The following PRUNE2 variants were observed in gnomAD, a reference collection of about 807,000 sequenced individuals.
The protein encoded by PRUNE2 is protein prune homolog 2.
PRUNE2 carries 164 observed loss-of-function variants against 252.0 expected under a neutral mutation model. That is an observed-to-expected ratio of 0.65 (90% CI 0.57 to 0.74). PRUNE2 has a LOEUF of 0.74. Among genes scored for constraint, PRUNE2 ranks in the 30% least tolerant of loss-of-function variants. The pLI is 0.00. For missense variants in PRUNE2, 3,495 were observed against 3,711.0 expected (o/e 0.94, Z 1.51); for synonymous variants, 1,292 against 1,350.2 (o/e 0.96, Z 0.94).
chr9:76,809,921 T>C (rs917841329), intron 6 of PRUNE2, among the ~76,000 whole-genome samples: 2 of 152,226 alleles, frequency 1.3e-5, no homozygotes, highest in African/African-American at 4.8e-5. Context: ...ACACATCAAC[T>C]GGTCAGATTG....
In PRUNE2 at chr9:76,660,916, T is replaced by TA. The variant is rs559931785; in HGVS notation, c.8277-5415dup. Among the ~76,000 whole-genome samples the TA allele has an allele frequency of 4.4e-4, 67 of 151,774 alleles. 1 individual carries two copies. Among genetic ancestry groups the TA allele is most frequent in the African/African-American group, 1.4e-3 (58 of 41,356 alleles). ...AAACTCTCTGAAAGATGAGCTCATA[T>TA]AAAAAAACCCTATAAACTACACTTG... is the stretch of plus-strand genomic sequence containing the variant. On this transcript the variant is annotated intron_variant, in intron 9 of 18. Coordinates refer to ENST00000376718, the MANE Select transcript of PRUNE2 (RefSeq NM_015225.3).
At chr9:76,680,905 C>T (rs2043353710) in intron 9 of PRUNE2, among the ~76,000 whole-genome samples, 1 of 152,194 alleles carries the variant, frequency 6.6e-6, no homozygotes, top group African/African-American at 2.4e-5. Flanking sequence ...CACTCATTAT[C>T]ATGAGAACAG....
rs139627304 is a variant in PRUNE2 at position 76,684,598 on chromosome 9, G to A, written c.8276+18739C>T. ...TTCTGGACTTCCTTAGATATCCAGC[G>A]TAAAGCTGATGGACTTCTTCAGGTC... On this transcript the variant is annotated intron_variant, in intron 9 of 18. Coordinates refer to ENST00000376718, the MANE Select transcript of PRUNE2 (RefSeq NM_015225.3). Among the ~76,000 whole-genome samples the A allele has an allele frequency of 7.9e-4, 121 of 152,280 alleles. No individual in the cohort carries two copies. The East Asian group carries it at 8.9e-3, about 11-fold the overall frequency.
In PRUNE2 at chr9:76,798,391, C is replaced by T. The variant is rs551932820; in HGVS notation, c.756+25241G>A. On this transcript the variant is annotated intron_variant, in intron 6 of 18. Transcript: ENST00000376718. ...AATAAGTGAAATCATACTGTATTTG[C>T]CTTTCTGTATCTGGCTTACTTCACT... is the stretch of plus-strand genomic sequence containing the variant. 3.3e-5 allele frequency among the ~76,000 whole-genome samples: 5 copies of T among 152,212 alleles called. No individual in the cohort carries two copies. The East Asian group carries it at 9.6e-4, about 29-fold the overall frequency.
chr9:76,836,429 A>G (rs1212461140), intron 4 of PRUNE2, among the ~76,000 whole-genome samples: 1 of 151,070 alleles, frequency 6.6e-6, no homozygotes, highest in Non-Finnish European at 1.5e-5. Flanking sequence ...AGAGAAGAGA[A>G]AGAAAGCAAA....
intron 6 of PRUNE2, among the ~76,000 whole-genome samples, chr9:76,774,454 T>A (rs77027512): frequency 6.4e-4 from 35 of 54,472 alleles, no homozygotes; most frequent in African/African-American, 5.0e-3. Flanking sequence ...TCAACCCTTT[T>A]TTTTTTTTTT....
chr9:76,728,203 A>T (rs2048286664), intron 6 of PRUNE2, among the ~76,000 whole-genome samples: 1 of 152,198 alleles, frequency 6.6e-6, no homozygotes, highest in African/African-American at 2.4e-5. Flanking sequence ...ACAGGCTACC[A>T]GCATCTTTGC....
At chr9:76,837,796 G>C (rs1274179802) in intron 4 of PRUNE2, among the ~76,000 whole-genome samples, 1 of 146,272 alleles carries the variant, frequency 6.8e-6, no homozygotes, top group Non-Finnish European at 1.5e-5. Flanking sequence ...TTTTGAGACG[G>C]AGTCTTGCTC....
intron 6 of PRUNE2, among the ~76,000 whole-genome samples, chr9:76,763,129 C>G (rs2051917389): frequency 6.6e-6 from 1 of 152,166 alleles, no homozygotes; most frequent in South Asian, 2.1e-4. Context: ...CTGAGGTCTT[C>G]TTCTGGTCGG....
intron 6 of PRUNE2, among the ~76,000 whole-genome samples, chr9:76,746,176 G>A (rs1270360468): frequency 3.3e-5 from 5 of 152,108 alleles, no homozygotes; most frequent in Non-Finnish European, 7.4e-5. Flanking sequence ...CTCTCCAGAG[G>A]GATAAGACTG....
chr9:76,860,943 C>G (rs891679967), intron 1 of PRUNE2, among the ~76,000 whole-genome samples: 2 of 152,262 alleles, frequency 1.3e-5, no homozygotes, highest in South Asian at 2.1e-4. Flanking sequence ...CGGAAAGGGC[C>G]CAGCCCCTCC....
At chr9:76,671,203 C>T (rs2041394232) in intron 9 of PRUNE2, among the ~76,000 whole-genome samples, 1 of 142,990 alleles carries the variant, frequency 7.0e-6, no homozygotes, top group African/African-American at 2.6e-5. Context: ...CAGAGAAGTG[C>T]TTAAAGGAGC....
chr9:76,620,607 A>G (rs536220755), intron 17 of PRUNE2, among the ~76,000 whole-genome samples: 2 of 152,316 alleles, frequency 1.3e-5, no homozygotes, highest in African/African-American at 4.8e-5. Flanking sequence ...GTTGAAAATG[A>G]CAGGCGGCTA....
At chr9:76,739,540 T>C (rs1165077202) in intron 6 of PRUNE2, 1 of 152,018 alleles carries the variant, frequency 6.6e-6, no homozygotes, top group Non-Finnish European at 1.5e-5. Flanking sequence ...TTACTGAATT[T>C]TTTTTTTTTT....
intron 9 of PRUNE2, among the ~76,000 whole-genome samples, chr9:76,694,478 C>T (rs997602152): frequency 3.3e-5 from 5 of 152,256 alleles, no homozygotes; most frequent in South Asian, 2.1e-4. Context: ...CCACCACATC[C>T]GGCCTAATTC....
intron 6 of PRUNE2, among the ~76,000 whole-genome samples, chr9:76,765,486 AAT>A (rs2052250005): frequency 6.6e-6 from 1 of 152,246 alleles, no homozygotes; most frequent in Non-Finnish European, 1.5e-5. Flanking sequence ...AGGCATACAG[AAT>A]AGAGACAGGC....
rs749716280 is a variant in PRUNE2, at chr9:76,705,158, G to A, written c.7116C>T (p.Phe2372=). The change falls in exon 8 of 19, where the codon TTC becomes TTT. Residue 2372 remains phenylalanine (F), a synonymous_variant. Coordinates refer to ENST00000376718, the MANE Select transcript of PRUNE2 (RefSeq NM_015225.3). ...CCAAAGGAGGGTCACCACCATACAG[G>A]AAGTGTTCAGGCTCTCTCAGTAAAT... ...DEDLLREPEH[F]LYGGDPPLEE... The A allele has an allele frequency of 2.5e-6, 4 of 1,613,858 alleles. No homozygotes were observed. Among genetic ancestry groups the A allele is most frequent in the African/African-American group, 2.7e-5 (2 of 74,922 alleles).
intron 9 of PRUNE2, among the ~76,000 whole-genome samples, chr9:76,685,447 T>C (rs2043980523): frequency 6.6e-6 from 1 of 152,182 alleles, no homozygotes; most frequent in Admixed American, 6.5e-5. Flanking sequence ...TCCAAGATTC[T>C]TATGTTGAAG....
intron 6 of PRUNE2, among the ~76,000 whole-genome samples, chr9:76,793,758 G>GA (rs938125080): frequency 2.8e-5 from 4 of 144,774 alleles, no homozygotes; most frequent in Middle Eastern, 3.5e-3. Context: ...AAAGGAAAAA[G>GA]AAAAAAAAAA....
Sources: gnomAD v4.1 joint callset for allele counts (sites outside exome capture counted in the v4.1 genomes callset) on GRCh38, gnomAD v4.1.1 for gene constraint, MANE v1.5 for transcripts, NCBI Gene and HGNC (gene_info 2026-07-23, HGNC 2026-07-21) for gene names.